Variants in NRXN1 observed in about 807,000 individuals in gnomAD.
The protein encoded by NRXN1 is neurexin-1.
NRXN1 carries 39 observed loss-of-function variants against 150.9 expected under a neutral mutation model. That is an observed-to-expected ratio of 0.26 (90% CI 0.20 to 0.34). The LOEUF (loss-of-function observed/expected upper bound fraction) is 0.34, where lower values mean the gene tolerates loss of function less well. Among genes scored for constraint, NRXN1 ranks in the 10% least tolerant of loss-of-function variants. The pLI is 1.00. For synonymous variants in NRXN1, 924 were observed against 757.0 expected (o/e 1.22, Z -3.62); for missense variants, 1,815 against 1,949.9 (o/e 0.93, Z 1.30).
intron 17 of NRXN1, among the ~76,000 whole-genome samples, chr2:50,264,210 A>G (rs2068607532): frequency 6.6e-6 from 1 of 152,240 alleles, no homozygotes; most frequent in East Asian, 1.9e-4. Flanking sequence ...TCCTTAAAGA[A>G]AAACAGTGAA....
intron 17 of NRXN1, among the ~76,000 whole-genome samples, chr2:50,370,951 T>C (rs967854622): frequency 2.0e-5 from 3 of 152,018 alleles, no homozygotes; most frequent in Admixed American, 2.0e-4. Context: ...ACAACAAATA[T>C]GTCCTTAGTA....
At chr2:50,508,789 C>G (rs532965420) in intron 12 of NRXN1, among the ~76,000 whole-genome samples, 4 of 152,186 alleles carry the variant, frequency 2.6e-5, no homozygotes, top group East Asian at 3.9e-4. Flanking sequence ...CCCTTTGGTT[C>G]ATAAAAATCT....
chr2:50,829,671 T>C, intron 5 of NRXN1: 1 of 1,611,616 alleles, frequency 6.2e-7, no homozygotes, highest in East Asian at 2.2e-5. Context: ...CATAACAGGC[T>C]GACACAGCGG....
In NRXN1 at chr2:50,173,310, A is replaced by T. The variant is rs533166574; in HGVS notation, c.3546+63479T>A. On this transcript the variant is annotated intron_variant, in intron 18 of 22. Transcript: ENST00000401669. ...TAAGTCTCATGATGGAAAGATTTTGATCCAACTGATTATTATTGTTCCTAG... is the reference window on the plus strand; with the variant it reads ...TAAGTCTCATGATGGAAAGATTTTGTTCCAACTGATTATTATTGTTCCTAG... Among the ~76,000 whole-genome samples the T allele has an allele frequency of 3.3e-5, 5 of 152,306 alleles. No individual in the cohort carries two copies. The South Asian group carries it at 1.0e-3, about 32-fold the overall frequency.
intron 17 of NRXN1, among the ~76,000 whole-genome samples, chr2:50,377,434 TC>T (rs2080595723): frequency 6.6e-6 from 1 of 152,204 alleles, no homozygotes; most frequent in Non-Finnish European, 1.5e-5. Flanking sequence ...ATCTCATCAT[TC>T]CTTTTTATGG....
At chr2:50,086,821 T>TGAGAGAGA (rs3046671) in intron 19 of NRXN1, among the ~76,000 whole-genome samples, 114 of 142,840 alleles carry the variant, frequency 8.0e-4, no homozygotes, top group African/African-American at 2.8e-3. Context: ...CAGAGAAGAA[T>TGAGAGAGA]GAGAGAGAGA....
At chr2:50,517,068 C>T (rs1331179525) in intron 12 of NRXN1, among the ~76,000 whole-genome samples, 1 of 152,162 alleles carries the variant, frequency 6.6e-6, no homozygotes, top group Non-Finnish European at 1.5e-5. Flanking sequence ...TGACCTTGAG[C>T]AACCTTCTTA....
intron 17 of NRXN1, among the ~76,000 whole-genome samples, chr2:50,367,017 C>T (rs1041644970): frequency 3.3e-5 from 5 of 151,890 alleles, no homozygotes; most frequent in Non-Finnish European, 4.4e-5. Context: ...TGGGTGAGTA[C>T]GCCAGCTGAG....
chr2:50,275,795 A>T (rs1478474936), intron 17 of NRXN1, among the ~76,000 whole-genome samples: 1 of 152,116 alleles, frequency 6.6e-6, no homozygotes, highest in Admixed American at 6.6e-5. Context: ...AAAAGTGCCT[A>T]ATCTTTGTCT....
chr2:50,118,443 T>A (rs1703381798), intron 18 of NRXN1, among the ~76,000 whole-genome samples: 1 of 145,418 alleles, frequency 6.9e-6, no homozygotes, highest in Admixed American at 7.4e-5. Flanking sequence ...CCTGGTTTCA[T>A]AAGTGTTTTC....
chr2:50,482,734 A>C (rs1243310846), intron 15 of NRXN1, among the ~76,000 whole-genome samples: 3 of 152,164 alleles, frequency 2.0e-5, no homozygotes, highest in Non-Finnish European at 2.9e-5. Context: ...GTTCTTAGTA[A>C]CATATGAGAT....
At position 50,264,042 on chromosome 2, in the gene NRXN1, G is replaced by A. The variant is rs532629987; in HGVS notation, c.3365-27072C>T. ...GTCTGTTGAGTGAAGCTTTCAACCTGCTATATTTCTTCTAACATACCAAAA... is the reference window on the plus strand; with the variant it reads ...GTCTGTTGAGTGAAGCTTTCAACCTACTATATTTCTTCTAACATACCAAAA... On this transcript the variant is annotated intron_variant, in intron 17 of 22. Transcript: ENST00000401669. Among the ~76,000 whole-genome samples, 5 of 152,208 alleles carry A rather than the reference G, an allele frequency of 3.3e-5. No homozygotes were observed. The South Asian group carries it at 1.0e-3, about 32-fold the overall frequency.
intron 17 of NRXN1, among the ~76,000 whole-genome samples, chr2:50,434,274 G>T (rs2085243655): frequency 6.6e-6 from 1 of 151,528 alleles, no homozygotes; most frequent in African/African-American, 2.4e-5. Flanking sequence ...GGTAGAGACA[G>T]GGTTTCACCG....
At chr2:50,973,936 A>G (rs559270751) in intron 2 of NRXN1, among the ~76,000 whole-genome samples, 1 of 152,236 alleles carries the variant, frequency 6.6e-6, no homozygotes, top group East Asian at 1.9e-4. Flanking sequence ...ATGGCATGTA[A>G]TGTGAGAGTA....
intron 17 of NRXN1, among the ~76,000 whole-genome samples, chr2:50,414,047 G>C (rs750319432): frequency 1.6e-4 from 17 of 106,786 alleles, no homozygotes; most frequent in South Asian, 7.5e-4. Context: ...GTAGTGGGGT[G>C]GGGGGTGGGA....
chr2:50,472,196 G>A, intron 16 of NRXN1, 102 bp downstream of exon 16: 1 of 985,664 alleles, frequency 1.0e-6, no homozygotes, highest in Non-Finnish European at 1.4e-6. Flanking sequence ...CCCAAATTGG[G>A]TATTTGACCA....
chr2:50,696,378 A>C (rs1183820921), intron 5 of NRXN1: 1 of 152,614 alleles, frequency 6.6e-6, no homozygotes, highest in African/African-American at 2.4e-5. Flanking sequence ...AATAAGAAAA[A>C]CAGTCTCAGA....
In NRXN1 at chr2:50,552,733, A is replaced by C; in HGVS notation, c.1613T>G (p.Val538Gly). The C allele has an allele frequency of 6.2e-7, 1 of 1,613,870 alleles. No homozygotes were observed. Among genetic ancestry groups the C allele is most frequent in the Non-Finnish European group, 8.5e-7 (1 of 1,179,852 alleles). Residue 538 changes from valine to glycine, a missense_variant, in exon 9 of 23, where the codon GTG (valine) becomes GGG (glycine). Transcript: ENST00000401669. ...TAGCATCTCAATAGCAAAGAAGTCC[A>C]CCTTTATCATCTGTGGGTGCTTGGC... is the stretch of plus-strand genomic sequence containing the variant. ...KDAKHPQMIK[V>G]DFFAIEMLDG...
intron 5 of NRXN1, among the ~76,000 whole-genome samples, chr2:50,811,149 C>T (rs976354506): frequency 6.6e-6 from 1 of 152,056 alleles, no homozygotes; most frequent in Non-Finnish European, 1.5e-5. Context: ...GTGTTTTTGC[C>T]TTTATTCCTT....
Sources: gnomAD v4.1 joint callset for allele counts (sites outside exome capture counted in the v4.1 genomes callset) on GRCh38, gnomAD v4.1.1 for gene constraint, MANE v1.5 for transcripts, NCBI Gene and HGNC (gene_info 2026-07-23, HGNC 2026-07-21) for gene names.